The following MEST variants were observed in gnomAD, a reference collection of about 807,000 sequenced individuals.
The protein encoded by MEST is mesoderm-specific transcript homolog protein.
A neutral mutation model predicts 50.9 loss-of-function variants in MEST; 18 were observed. The observed-to-expected ratio is 0.35, with a 90% confidence interval of 0.24 to 0.52. MEST has a LOEUF of 0.52. MEST is among the 20% of genes least tolerant of loss of function. MEST has a pLI of 0.94. For synonymous variants in MEST, 130 were observed against 154.1 expected (o/e 0.84, Z 1.16); for missense variants, 282 against 425.3 (o/e 0.66, Z 2.96).
In MEST at chr7:130,492,476, C is replaced by G; in HGVS notation, c.26+137C>G. ...CTCTACCGACAGGCGGCACGCATTC[C>G]GCGCCCGCTCTGCCTACTTGAGGAG... is the stretch of plus-strand genomic sequence containing the variant. On this transcript the variant is annotated intron_variant, in intron 1 of 11. Transcript: ENST00000223215. The surrounding 1 kb of genome is among the most constrained non-coding windows in gnomAD (Gnocchi z 7.6). 1 of 668,422 alleles carries G rather than the reference C, an allele frequency of 1.5e-6. No homozygotes were observed. The highest frequency in any genetic ancestry group is 2.7e-4 in the Middle Eastern group (1 of 3,642). 41.4% of individuals were successfully genotyped at this position (668,422 alleles called of 1,614,324 possible). A position where few individuals can be genotyped will look rare whatever the true frequency, so the allele number is the denominator to read the frequency against.
intron 2 of MEST, chr7:130,496,409 T>G (rs1292484791): frequency 2.2e-5 from 7 of 314,774 alleles, no homozygotes; most frequent in African/African-American, 1.6e-4. Context: ...GTATATACAA[T>G]TTTTAACTGC....
rs1356800504 is a variant in MEST at position 130,505,218 on chromosome 7, C to T, written c.*162C>T. 1.7e-6 allele frequency: 1 copy of T among 603,978 alleles called. No homozygotes were observed. The highest frequency in any genetic ancestry group is 1.8e-5 in the African/African-American group (1 of 55,218). The allele number at this position is 603,978 out of a possible 1,614,324, so 37.4% of individuals were successfully genotyped here. A position where few individuals can be genotyped will look rare whatever the true frequency, so the allele number is the denominator to read the frequency against. On this transcript the variant is annotated 3_prime_UTR_variant, in exon 12 of 12. Coordinates refer to ENST00000223215, the MANE Select transcript of MEST (RefSeq NM_002402.4). ...TGAACAGTGTATAGGAAGAAGCCAGCAGGAGCTCTGACTAAGGTTGACATA... is the reference window on the plus strand; with the variant it reads ...TGAACAGTGTATAGGAAGAAGCCAGTAGGAGCTCTGACTAAGGTTGACATA...
chr7:130,499,257 G>A (rs1163834814), intron 6 of MEST, among the ~76,000 whole-genome samples: 1 of 152,180 alleles, frequency 6.6e-6, no homozygotes, highest in Non-Finnish European at 1.5e-5. Flanking sequence ...AACGCCTTAA[G>A]AGCAGACTGG....
chr7:130,504,622 G>A (rs1421760398), intron 11 of MEST, among the ~76,000 whole-genome samples: 1 of 152,216 alleles, frequency 6.6e-6, no homozygotes, highest in Non-Finnish European at 1.5e-5. Flanking sequence ...GCAGTGAGTT[G>A]CTGTGTGATC....
At chr7:130,488,355 T>C (rs1798684694), upstream of MEST, 1 of 152,238 alleles carries the variant, frequency 6.6e-6, no homozygotes, top group Non-Finnish European at 1.5e-5. Flanking sequence ...TTTGCACTCA[T>C]TGGAGCCATA....
intron 9 of MEST, chr7:130,501,140 AGGTAC>A: frequency 2.7e-6 from 1 of 369,668 alleles, no homozygotes; most frequent in Non-Finnish European, 4.9e-6. Context: ...GCCTCCCTCA[AGGTAC>A]AAGGCTCTTC....
chr7:130,497,261 T>C lies in MEST; in HGVS notation c.261+26T>C. On this transcript the variant is annotated intron_variant, in intron 3 of 11. Transcript: ENST00000223215. The surrounding 1 kb of genome is among the most constrained non-coding windows in gnomAD (Gnocchi z 4.0). Reference sequence around the variant, plus strand: ...GTAATGAAGTCAGACTTCTACGTCCTACTATGTCTTAAAAAATCTCGGCCG... The same window carrying C: ...GTAATGAAGTCAGACTTCTACGTCCCACTATGTCTTAAAAAATCTCGGCCG... 6.3e-7 allele frequency: 1 copy of C among 1,593,194 alleles called. No individual in the cohort carries two copies. The highest frequency in any genetic ancestry group is 8.6e-7 in the Non-Finnish European group (1 of 1,167,038).
upstream of MEST, chr7:130,489,901 A>G (rs1798734102): frequency 6.6e-6 from 1 of 151,910 alleles, no homozygotes; most frequent in African/African-American, 2.4e-5. Context: ...TCAGAATAAG[A>G]TCTTTTGTGG....
chr7:130,491,894 C>T (rs978318054), upstream of MEST, among the ~76,000 whole-genome samples: 5 of 152,066 alleles, frequency 3.3e-5, no homozygotes, highest in Non-Finnish European at 5.9e-5. The surrounding 1 kb of genome is among the most constrained non-coding windows in gnomAD (Gnocchi z 6.8). Context: ...GGGCTCGACA[C>T]CCCTGAAGGT....
chr7:130,496,662 T>C (rs1375282135), intron 2 of MEST: 3 of 165,868 alleles, frequency 1.8e-5, no homozygotes, highest in African/African-American at 7.2e-5. Flanking sequence ...TGATGTTAGA[T>C]TGGGTCTCCT....
chr7:130,501,628 T>C (rs936560555), intron 9 of MEST, among the ~76,000 whole-genome samples: 6 of 152,212 alleles, frequency 3.9e-5, no homozygotes, highest in Admixed American at 3.9e-4. Context: ...AGTGGTGTCT[T>C]ACGCTGGAGA....
In MEST at chr7:130,500,377, A is replaced by G. The variant is rs1330170285; in HGVS notation, c.577-85A>G. On this transcript the variant is annotated intron_variant, in intron 7 of 11. Transcript: ENST00000223215. The surrounding 1 kb of genome is among the most constrained non-coding windows in gnomAD (Gnocchi z 5.0). ...TCAGTAGCAGGAGATTTGGCTAAAG[A>G]TTTAGTTCCTAGTATAAAACCTTTT... is the stretch of plus-strand genomic sequence containing the variant. 6.7e-6 allele frequency: 8 copies of G among 1,185,788 alleles called. No homozygotes were observed. In the African/African-American group the frequency reaches 1.1e-4, roughly 16 times the overall value. 73.5% of individuals were successfully genotyped at this position (1,185,788 alleles called of 1,614,324 possible). A position where few individuals can be genotyped will look rare whatever the true frequency, so the allele number is the denominator to read the frequency against.
upstream of MEST, among the ~76,000 whole-genome samples, chr7:130,490,331 C>G (rs563384187): frequency 6.6e-6 from 1 of 152,204 alleles, no homozygotes; most frequent in African/African-American, 2.4e-5. Flanking sequence ...AAGGACTAAC[C>G]GTTTTCCCCA....
chr7:130,504,148 A>G (rs1799384494), intron 11 of MEST, 152 bp downstream of exon 11: 1 of 620,384 alleles, frequency 1.6e-6, no homozygotes, highest in Non-Finnish European at 2.9e-6. Context: ...GAGTTGAGGA[A>G]TCTTATTCTA....
intron 1 of MEST, chr7:130,494,983 CT>C (rs1223696293): frequency 3.2e-6 from 1 of 308,762 alleles, no homozygotes; most frequent in Non-Finnish European, 4.7e-6. Flanking sequence ...TATTTTTTTC[CT>C]GGGAAGCCTT....
chr7:130,504,561 C>G (rs1005171), intron 11 of MEST, among the ~76,000 whole-genome samples: 69,181 of 152,048 alleles, frequency 0.45, 17,521 homozygotes, highest in East Asian at 0.6. Flanking sequence ...AATACCCCCT[C>G]TCTCATCTCC....
chr7:130,495,612 C>T (rs1423673539), intron 2 of MEST, 90 bp downstream of exon 2: 6 of 1,315,090 alleles, frequency 4.6e-6, no homozygotes, highest in Non-Finnish European at 5.3e-6. Context: ...TCTCTTGTTG[C>T]TCCTTAATGA....
upstream of MEST, chr7:130,488,372 A>G (rs147197698): frequency 1.7e-4 from 26 of 152,374 alleles, no homozygotes; most frequent in East Asian, 4.8e-3. Flanking sequence ...CATACAGAAT[A>G]AAATGTCTAA....
Position 130,498,406 on chromosome 7 carries a change from G to A in MEST, c.477-13G>A, listed in dbSNP as rs201300432. The A allele has an allele frequency of 8.7e-6, 14 of 1,613,812 alleles. No individual in the cohort carries two copies. Among genetic ancestry groups the A allele is most frequent in the African/African-American group, 2.7e-5 (2 of 74,842 alleles). The stretch of plus-strand genomic sequence containing the variant: ...TGCTCAGCTACATGTGTGTTTCCTC[G>A]TCTCCCTTCTAGGTACAAGCAGAAT... On this transcript the variant is annotated splice_polypyrimidine_tract_variant and intron_variant, in intron 5 of 11. Coordinates refer to ENST00000223215, the MANE Select transcript of MEST (RefSeq NM_002402.4).
Sources: gnomAD v4.1 joint callset for allele counts (sites outside exome capture counted in the v4.1 genomes callset) on GRCh38, gnomAD v4.1.1 for gene constraint, Gnocchi (gnomAD v3.1) non-coding constraint, MANE v1.5 for transcripts, NCBI Gene and HGNC (gene_info 2026-07-23, HGNC 2026-07-21) for gene names.